Variants in ASF1B observed in about 807,000 individuals in gnomAD.
ASF1B encodes histone chaperone ASF1B.
ASF1B carries 10 observed loss-of-function variants against 16.6 expected under a neutral mutation model. The ratio of observed to expected loss-of-function variants is 0.60; its 90% CI spans 0.37 to 1.02. The LOEUF (loss-of-function observed/expected upper bound fraction) is 1.02. Ranked by LOEUF, ASF1B falls within the 50% of genes least tolerant of loss-of-function variation. ASF1B has a pLI of 0.01. For missense variants in ASF1B, 240 were observed against 266.0 expected, an observed-to-expected ratio of 0.90 and a Z score of 0.68; for synonymous variants, 101 against 106.2, an observed-to-expected ratio of 0.95 and a Z score of 0.30.
Position 14,120,414 on chromosome 19 carries a change from C to T in ASF1B, c.*45G>A. 6.3e-7 allele frequency: 1 copy of T among 1,595,604 alleles called. No individual in the cohort carries two copies. The highest frequency in any genetic ancestry group is 8.6e-7 in the Non-Finnish European group (1 of 1,168,008). On this transcript the variant is annotated 3_prime_UTR_variant, in exon 4 of 4. Transcript: ENST00000263382. The stretch of plus-strand genomic sequence containing the variant: ...GGCCCTGCAGGACTCGCTGGGAGGC[C>T]TGGTTGCCCCTCCCGGCGTGCTGGG...
intron 2 of ASF1B, among the ~76,000 whole-genome samples, chr19:14,124,719 G>A (rs1467782313): frequency 1.3e-5 from 2 of 152,130 alleles, no homozygotes; most frequent in African/African-American, 4.8e-5. Flanking sequence ...TCTGTCTTCT[G>A]GTCTCAGCTC....
intron 1 of ASF1B, among the ~76,000 whole-genome samples, chr19:14,131,611 T>C (rs2144518777): frequency 6.6e-6 from 1 of 151,118 alleles, no homozygotes; most frequent in Admixed American, 6.6e-5. Flanking sequence ...GCCTCCCGAG[T>C]AGCTGGGACT....
intron 1 of ASF1B, among the ~76,000 whole-genome samples, chr19:14,128,307 A>G (rs1967348153): frequency 6.6e-6 from 1 of 152,156 alleles, no homozygotes; most frequent in South Asian, 2.1e-4. Context: ...CTGCCAGGTC[A>G]TGACTACAGA....
intron 1 of ASF1B, among the ~76,000 whole-genome samples, chr19:14,135,631 G>A (rs957003908): frequency 1.3e-5 from 2 of 152,080 alleles, no homozygotes; most frequent in African/African-American, 2.4e-5. Context: ...GAGAGGTCCT[G>A]AAAAGGGGTT....
At chr19:14,133,812 T>C (rs1476847677) in intron 1 of ASF1B, among the ~76,000 whole-genome samples, 1 of 135,982 alleles carries the variant, frequency 7.4e-6, no homozygotes, top group African/African-American at 2.8e-5. Flanking sequence ...TTTTTTTTTT[T>C]TTTTTTTTTG....
intron 3 of ASF1B, among the ~76,000 whole-genome samples, chr19:14,120,956 G>A (rs756390160): frequency 6.6e-6 from 1 of 152,042 alleles, no homozygotes; most frequent in Non-Finnish European, 1.5e-5. Context: ...GTGTAGCTGG[G>A]ACTACAGGTG....
intron 1 of ASF1B, among the ~76,000 whole-genome samples, chr19:14,132,238 A>G (rs1219581155): frequency 6.6e-6 from 1 of 152,026 alleles, no homozygotes; most frequent in Admixed American, 6.6e-5. Flanking sequence ...TATGTTACCC[A>G]GGCTGGCCCA....
intron 2 of ASF1B, among the ~76,000 whole-genome samples, chr19:14,122,141 G>A (rs1484439932): frequency 6.6e-6 from 1 of 152,028 alleles, no homozygotes; most frequent in Non-Finnish European, 1.5e-5. Context: ...ATGTTGGCCA[G>A]GCTGGTCTCG....
intron 1 of ASF1B, among the ~76,000 whole-genome samples, chr19:14,127,335 A>T (rs944955974): frequency 3.6e-4 from 55 of 152,188 alleles, no homozygotes; most frequent in Non-Finnish European, 2.9e-5. Flanking sequence ...CGTGACACAG[A>T]CGTGCTGAGA....
intron 1 of ASF1B, among the ~76,000 whole-genome samples, chr19:14,130,017 A>C (rs1967377798): frequency 6.6e-6 from 1 of 151,740 alleles, no homozygotes; most frequent in Non-Finnish European, 1.5e-5. Flanking sequence ...CTAAAAATAT[A>C]AAAAATTAGC....
chr19:14,123,003 A>G (rs1967262793), intron 2 of ASF1B, among the ~76,000 whole-genome samples: 1 of 152,248 alleles, frequency 6.6e-6, no homozygotes, highest in East Asian at 1.9e-4. Context: ...ACCAGGCAGT[A>G]AAGAACAGAT....
At chr19:14,121,100 G>T (rs967091171) in intron 3 of ASF1B, among the ~76,000 whole-genome samples, 1 of 151,222 alleles carries the variant, frequency 6.6e-6, no homozygotes, top group Non-Finnish European at 1.5e-5. Flanking sequence ...GGATTACAAC[G>T]CGTGAGCCAC....
Position 14,120,252 on chromosome 19 carries a change from C to A in ASF1B, c.*207G>T, listed in dbSNP as rs969950256. 1.8e-6 allele frequency: 1 copy of A among 544,806 alleles called. No homozygotes were observed. Among genetic ancestry groups the A allele is most frequent in the Non-Finnish European group, 3.2e-6 (1 of 313,024 alleles). 33.7% of individuals were successfully genotyped at this position (544,806 alleles called of 1,614,324 possible). On this transcript the variant is annotated 3_prime_UTR_variant, in exon 4 of 4. Transcript: ENST00000263382. Reference sequence around the variant, plus strand: ...TCAGAATTTAGAACTGAAGTACCTGCTTCTTATAGGCCTGTAGAGGAAAAG... The same window carrying A: ...TCAGAATTTAGAACTGAAGTACCTGATTCTTATAGGCCTGTAGAGGAAAAG...
chr19:14,123,785 T>C (rs1967277905), intron 2 of ASF1B, among the ~76,000 whole-genome samples: 2 of 145,722 alleles, frequency 1.4e-5, no homozygotes, highest in Non-Finnish European at 3.0e-5. Context: ...CAAGCGAGCC[T>C]ATTTTTTTTT....
At chr19:14,122,215 G>C (rs1195520930) in intron 2 of ASF1B, among the ~76,000 whole-genome samples, 1 of 152,036 alleles carries the variant, frequency 6.6e-6, no homozygotes, top group Non-Finnish European at 1.5e-5. Context: ...ACAGGTGTGA[G>C]CCACTGCGCC....
At chr19:14,126,371 C>A in intron 1 of ASF1B, 134 bp from the exon 2 acceptor site, 1 of 617,630 alleles carries the variant, frequency 1.6e-6, no homozygotes, top group East Asian at 3.0e-5. Context: ...GTGATGCGAT[C>A]TCAGCTCACT....
In ASF1B at chr19:14,126,330, A is replaced by G. The variant is rs1967317870; in HGVS notation, c.110-93T>C. ...GTATTTTTTTTTTTTTTTGAGATGG[A>G]GTCTCGTTCTGTCACACAGGTTAGA... On this transcript the variant is annotated intron_variant, in intron 1 of 3. Coordinates refer to ENST00000263382, the MANE Select transcript of ASF1B (RefSeq NM_018154.3). 19 of 799,736 alleles carry G rather than the reference A, an allele frequency of 2.4e-5. No individual in the cohort carries two copies. The South Asian group carries it at 2.7e-4, about 11-fold the overall frequency. The allele number at this position is 799,736 out of a possible 1,614,324, so 49.5% of individuals were successfully genotyped here.
intron 1 of ASF1B, among the ~76,000 whole-genome samples, chr19:14,131,971 T>G (rs1281228200): frequency 1.3e-5 from 2 of 151,952 alleles, no homozygotes; most frequent in Non-Finnish European, 2.9e-5. Flanking sequence ...CAAAGGGGGC[T>G]TGGGGCCCCT....
intron 2 of ASF1B, among the ~76,000 whole-genome samples, chr19:14,123,154 C>A (rs1967265196): frequency 2.0e-5 from 3 of 152,108 alleles, no homozygotes; most frequent in Admixed American, 2.0e-4. Flanking sequence ...AGTGTGGGGT[C>A]CTGTGCAGCT....
Sources: gnomAD v4.1 joint callset for allele counts (sites outside exome capture counted in the v4.1 genomes callset) on GRCh38, gnomAD v4.1.1 for gene constraint, MANE v1.5 for transcripts, NCBI Gene and HGNC (gene_info 2026-07-23, HGNC 2026-07-21) for gene names.